Variants in PLD5 observed in about 807,000 individuals in gnomAD.
PLD5 encodes the protein phospholipase D family member 5.
PLD5 carries 36 observed loss-of-function variants against 61.1 expected under a neutral mutation model. The ratio of observed to expected loss-of-function variants is 0.59; its 90% CI spans 0.45 to 0.78. The LOEUF is 0.78. Ranked by LOEUF, PLD5 falls within the 30% of genes least tolerant of loss-of-function variation. PLD5 has a pLI of 0.00. For synonymous variants in PLD5, 243 were observed against 242.8 expected (o/e 1.00, Z -0.01); for missense variants, 515 against 644.4 (o/e 0.80, Z 2.17).
chr1:242,370,017 G>T (rs1016696122), intron 1 of PLD5, among the ~76,000 whole-genome samples: 2 of 152,076 alleles, frequency 1.3e-5, no homozygotes, highest in African/African-American at 2.4e-5. Context: ...AAACTTCTGG[G>T]AGTAGAACAC....
At chr1:242,489,891 T>C (rs1034029779) in intron 1 of PLD5, among the ~76,000 whole-genome samples, 1 of 152,216 alleles carries the variant, frequency 6.6e-6, no homozygotes, top group Non-Finnish European at 1.5e-5. Context: ...TGGTAATACA[T>C]AGAAATGAGC....
At chr1:242,123,603 G>A (rs7544160) in intron 6 of PLD5, among the ~76,000 whole-genome samples, 8,097 of 152,216 alleles carry the variant, frequency 0.053, 713 homozygotes, top group African/African-American at 0.18. Context: ...GGAGGAAACA[G>A]CAGTACCCGG....
chr1:242,436,492 ATT>A (rs1280096588), intron 1 of PLD5, among the ~76,000 whole-genome samples: 2 of 151,868 alleles, frequency 1.3e-5, no homozygotes, highest in Admixed American at 1.3e-4. Context: ...TTAAAAAAAA[ATT>A]TATCTTTACA....
At chr1:242,433,282 C>A (rs7555644) in intron 1 of PLD5, among the ~76,000 whole-genome samples, 11,149 of 152,166 alleles carry the variant, frequency 0.073, 512 homozygotes, top group African/African-American at 0.12. Context: ...GCAAAAACCA[C>A]ACAAGTATTA....
At chr1:242,230,656 A>G (rs559419742) in intron 4 of PLD5, among the ~76,000 whole-genome samples, 2 of 152,378 alleles carry the variant, frequency 1.3e-5, no homozygotes, top group East Asian at 3.9e-4. Context: ...GTTGCTTTCA[A>G]ATAATTCAGT....
At chr1:242,260,205 G>A (rs887542550) in intron 4 of PLD5, among the ~76,000 whole-genome samples, 1 of 152,078 alleles carries the variant, frequency 6.6e-6, no homozygotes, top group Non-Finnish European at 1.5e-5. Context: ...AAATTAGCCA[G>A]GGCTGGTGTC....
chr1:242,219,442 A>G (rs1329756906), intron 5 of PLD5, among the ~76,000 whole-genome samples: 4 of 152,218 alleles, frequency 2.6e-5, no homozygotes. Context: ...CTGTCGCTGG[A>G]TGACTAATGG....
intron 2 of PLD5, among the ~76,000 whole-genome samples, chr1:242,310,287 C>T (rs1338025164): frequency 6.6e-6 from 1 of 152,150 alleles, no homozygotes; most frequent in Non-Finnish European, 1.5e-5. Flanking sequence ...TGGCTGTGTA[C>T]AGACCGCCTG....
intron 8 of PLD5, 100 bp from the exon 9 acceptor site, chr1:242,100,882 C>T (rs1660634681): frequency 5.3e-6 from 4 of 751,430 alleles, no homozygotes; most frequent in East Asian, 5.3e-5. Flanking sequence ...AACAATAGAC[C>T]TCAAGTTGGG....
intron 4 of PLD5, among the ~76,000 whole-genome samples, chr1:242,247,593 C>A (rs900134398): frequency 2.0e-5 from 3 of 152,156 alleles, no homozygotes; most frequent in African/African-American, 7.2e-5. Context: ...TAATGCTGGT[C>A]ACTTGTGCCT....
intron 5 of PLD5, among the ~76,000 whole-genome samples, chr1:242,207,844 A>ATATATATT (rs1403267860): frequency 4.5e-5 from 1 of 22,094 alleles, no homozygotes; most frequent in African/African-American, 1.7e-4. Context: ...TTATATATTT[A>ATATATATT]TATATATTTA....
chr1:242,146,087 A>G lies in PLD5; in HGVS notation c.736-21422T>C, dbSNP rs571819994. Among the ~76,000 whole-genome samples, 80 of 152,360 alleles carry G rather than the reference A, an allele frequency of 5.3e-4. 2 individuals are homozygous for G. In the South Asian group the frequency reaches 0.016, roughly 30 times the overall value. On this transcript the variant is annotated intron_variant, in intron 5 of 9. Coordinates refer to ENST00000536534, the MANE Select transcript of PLD5 (RefSeq NM_001372062.1). ...AAAGTGGGGAGTCCCAGAGGAATTC[A>G]TCAATCAAGCTGATTGATCATGATG...
intron 1 of PLD5, among the ~76,000 whole-genome samples, chr1:242,426,188 T>A (rs1329363375): frequency 2.0e-5 from 3 of 151,430 alleles, no homozygotes; most frequent in Non-Finnish European, 4.4e-5. Context: ...GTCTTCCACC[T>A]CCACATCTTA....
chr1:242,380,808 C>G (rs1367323172), intron 1 of PLD5, among the ~76,000 whole-genome samples: 1 of 152,150 alleles, frequency 6.6e-6, no homozygotes, highest in East Asian at 1.9e-4. Context: ...AGCTCAACAT[C>G]ACTGATCATT....
rs550942289 is a variant in PLD5, at chr1:242,450,798, GC to G, written c.189+73289del. ...GGAAAAAGTCTTTTAGGATAGAGAA[GC>G]CAATATGGCAGGCAAATTAGGTGCC... is the stretch of plus-strand genomic sequence containing the variant. On this transcript the variant is annotated intron_variant, in intron 1 of 9. Coordinates refer to ENST00000536534, the MANE Select transcript of PLD5 (RefSeq NM_001372062.1). Among the ~76,000 whole-genome samples the G allele has an allele frequency of 3.3e-5, 5 of 152,298 alleles. No homozygotes were observed. In the South Asian group the frequency reaches 1.0e-3, roughly 32 times the overall value.
Position 242,233,279 on chromosome 1 carries a change from G to A in PLD5, c.608-13164C>T, listed in dbSNP as rs371715463. Among the ~76,000 whole-genome samples, 359 of 152,316 alleles carry A rather than the reference G, an allele frequency of 2.4e-3. 1 individual carries two copies. The highest frequency in any genetic ancestry group is 8.1e-3 in the African/African-American group (338 of 41,572). ...GGTCAGGTATCTGTGACAGGTATAA[G>A]GGACTGAGTCTCAGGGGAAGGGAAT... On this transcript the variant is annotated intron_variant, in intron 4 of 9. Coordinates refer to ENST00000536534, the MANE Select transcript of PLD5 (RefSeq NM_001372062.1).
chr1:242,220,707 ATATTTTATTTTATTTTATTT>A (rs71570944), intron 4 of PLD5, among the ~76,000 whole-genome samples: 28 of 108,380 alleles, frequency 2.6e-4, no homozygotes, highest in African/African-American at 8.7e-4. Flanking sequence ...TTTTTAATTT[ATATTTTATTTTATTTTATTT>A]TATTTTATTT....
At chr1:242,207,832 A>T (rs1406894202) in intron 5 of PLD5, among the ~76,000 whole-genome samples, 1 of 61,380 alleles carries the variant, frequency 1.6e-5, no homozygotes, top group African/African-American at 7.0e-5. Flanking sequence ...ATTTATATAT[A>T]TTTATATATT....
chr1:242,255,949 G>A (rs1257170477), intron 4 of PLD5, among the ~76,000 whole-genome samples: 3 of 152,214 alleles, frequency 2.0e-5, no homozygotes, highest in Non-Finnish European at 1.5e-5. Flanking sequence ...CCAATTAAAC[G>A]TCTACCAATT....
Sources: gnomAD v4.1 joint callset for allele counts (sites outside exome capture counted in the v4.1 genomes callset) on GRCh38, gnomAD v4.1.1 for gene constraint, MANE v1.5 for transcripts, NCBI Gene and HGNC (gene_info 2026-07-23, HGNC 2026-07-21) for gene names.